Variants in IK observed in about 807,000 individuals in gnomAD.
IK encodes the protein protein Red.
IK carries 47 observed loss-of-function variants against 90.9 expected under a neutral mutation model. The observed-to-expected ratio is 0.52, with a 90% CI of 0.41 to 0.66. The LOEUF (loss-of-function observed/expected upper bound fraction) is 0.66, where lower values mean the gene tolerates loss of function less well. IK is among the 30% of genes least tolerant of loss of function. The pLI is 0.00. For missense variants in IK, 385 were observed against 709.3 expected, an observed-to-expected ratio of 0.54 and a Z score of 5.19; for synonymous variants, 201 against 227.5, an observed-to-expected ratio of 0.88 and a Z score of 1.05.
chr5:140,651,181 G>A (rs1757610207), intron 2 of IK, among the ~76,000 whole-genome samples: 1 of 152,162 alleles, frequency 6.6e-6, no homozygotes, highest in East Asian at 1.9e-4. Context: ...GTCGGGCGTG[G>A]TGGCTTACAC....
intron 5 of IK, 142 bp from the exon 6 acceptor site, chr5:140,653,796 G>A (rs1320201002): frequency 1.7e-6 from 1 of 575,758 alleles, no homozygotes; most frequent in Non-Finnish European, 3.1e-6. Context: ...GTAGAGATGG[G>A]GTTTCACCAT....
intron 10 of IK, among the ~76,000 whole-genome samples, chr5:140,658,306 A>T (rs1328797939): frequency 6.8e-6 from 1 of 146,698 alleles, no homozygotes; most frequent in Non-Finnish European, 1.5e-5. Flanking sequence ...TCCTGGCCTT[A>T]TTTTATTATT....
At chr5:140,660,055 G>A in intron 14 of IK, 60 bp from the exon 15 acceptor site, 4 of 1,485,728 alleles carry the variant, frequency 2.7e-6, no homozygotes, top group Non-Finnish European at 3.7e-6. Context: ...GCCCCCTCCT[G>A]GCTGAAGCTT....
chr5:140,653,603 C>T (rs1273754474), intron 5 of IK, among the ~76,000 whole-genome samples: 1 of 143,378 alleles, frequency 7.0e-6, no homozygotes, highest in Non-Finnish European at 1.5e-5. Flanking sequence ...CTTTCCCCCA[C>T]CCCCTTTTTT....
intron 4 of IK, among the ~76,000 whole-genome samples, 197 bp from the exon 5 acceptor site, chr5:140,652,780 A>G (rs1188471758): frequency 1.3e-5 from 2 of 152,202 alleles, no homozygotes; most frequent in African/African-American, 4.8e-5. Flanking sequence ...CTGGAAAAGT[A>G]TATCTATAAG....
At chr5:140,652,354 G>C (rs1368583156) in intron 4 of IK, among the ~76,000 whole-genome samples, 1 of 152,076 alleles carries the variant, frequency 6.6e-6, no homozygotes, top group Admixed American at 6.6e-5. Context: ...TTTCTTGGTG[G>C]ATAACCTAGA....
intron 3 of IK, 32 bp downstream of exon 3, chr5:140,651,838 A>G: frequency 2.2e-6 from 3 of 1,359,070 alleles, no homozygotes; most frequent in East Asian, 2.3e-5. Context: ...CCTGTCTCCC[A>G]ACTTGTTTCT....
chr5:140,658,590 G>A (rs1427809194), intron 10 of IK, 147 bp from the exon 11 acceptor site: 38 of 659,172 alleles, frequency 5.8e-5, no homozygotes, highest in Non-Finnish European at 8.5e-5. Flanking sequence ...GAAGTGCTGG[G>A]ATTACAGGCG....
At chr5:140,660,657 G>T in intron 15 of IK, 101 bp from the exon 16 acceptor site, 2 of 851,120 alleles carry the variant, frequency 2.3e-6, no homozygotes, top group Non-Finnish European at 3.9e-6. Context: ...AGGTCTAGGG[G>T]GTGGTCATTC....
chr5:140,648,050 A>ATG lies in IK; in HGVS notation c.16+128_16+129dup, dbSNP rs1425141734. 2.4e-3 allele frequency: 716 copies of ATG among 302,944 alleles called. 11 individuals are homozygous for ATG. Among genetic ancestry groups the ATG allele is most frequent in the Middle Eastern group, 0.023 (38 of 1,684 alleles). 18.8% of individuals were successfully genotyped at this position (302,944 alleles called of 1,614,324 possible). ...TGTGTGTGTGTGTGTGTGTGTATGT[A>ATG]TGTATGTGTGACGCTTGAGCCCGGA... On this transcript the variant is annotated intron_variant, in intron 1 of 19. Transcript: ENST00000417647.
rs772355494 is a variant in IK, at chr5:140,652,033, G to C, written c.177-55G>C. The C allele has an allele frequency of 3.6e-6, 5 of 1,379,720 alleles. No individual in the cohort carries two copies. In the African/African-American group the frequency reaches 7.1e-5, roughly 20 times the overall value. 85.5% of individuals were successfully genotyped at this position (1,379,720 alleles called of 1,614,324 possible). The stretch of plus-strand genomic sequence containing the variant: ...AAAAATCCTCAAGGAGACTTCTTGG[G>C]GTTTCTGGGGCTGTGGCAATATTTT... On this transcript the variant is annotated intron_variant, in intron 3 of 19. Coordinates refer to ENST00000417647, the MANE Select transcript of IK (RefSeq NM_006083.4).
intron 1 of IK, chr5:140,648,205 C>G: frequency 1.4e-6 from 1 of 704,146 alleles, no homozygotes; most frequent in South Asian, 1.5e-5. Flanking sequence ...CATACTTAAT[C>G]CTGGGTTGCG....
intron 10 of IK, among the ~76,000 whole-genome samples, chr5:140,658,285 T>G (rs1190627027): frequency 6.6e-6 from 1 of 152,014 alleles, no homozygotes; most frequent in Non-Finnish European, 1.5e-5. Flanking sequence ...ATTACAGGCA[T>G]GAGCCACTCT....
chr5:140,648,340 C>A, intron 1 of IK, 131 bp from the exon 2 acceptor site: 2 of 844,864 alleles, frequency 2.4e-6, no homozygotes, highest in South Asian at 1.4e-5. Context: ...TATTTCAGCA[C>A]TTATTACATT....
In IK at chr5:140,648,414, T is replaced by G. The variant is rs1757534105; in HGVS notation, c.17-57T>G. On this transcript the variant is annotated intron_variant, in intron 1 of 19. Coordinates refer to ENST00000417647, the MANE Select transcript of IK (RefSeq NM_006083.4). ...TGTTCACTACTATATCTCAAATTTTTGCATAGGATCTGACACGTAAGAGAC... is the reference window on the plus strand; with the variant it reads ...TGTTCACTACTATATCTCAAATTTTGGCATAGGATCTGACACGTAAGAGAC... 12 of 1,513,928 alleles carry G rather than the reference T, an allele frequency of 7.9e-6. No individual in the cohort carries two copies. In the South Asian group the frequency reaches 1.2e-4, roughly 16 times the overall value. 93.8% of individuals were successfully genotyped at this position (1,513,928 alleles called of 1,614,324 possible).
intron 8 of IK, among the ~76,000 whole-genome samples, 165 bp from the exon 9 acceptor site, chr5:140,655,664 T>C (rs1334880910): frequency 5.9e-5 from 9 of 152,250 alleles, no homozygotes; most frequent in African/African-American, 2.2e-4. Context: ...CATAGTATTC[T>C]TATCAGTAAA....
rs755839583 is a variant in IK, at chr5:140,652,983, T to G, written c.243T>G (p.Tyr81Ter). ...AARRRKKKSY[Y>*]AKLRQQEIER... ...TGCCTTTCTCTGGTCACAGTTATTA[T>G]GCCAAGCTACGCCAACAAGAAATTG... Residue 81 changes from tyrosine (Y) to a stop codon, truncating the protein, a stop_gained, in exon 5 of 20, where the codon TAT becomes TAG. Transcript: ENST00000417647. LOFTEE classifies it high-confidence loss of function. 17 of 1,613,378 alleles carry G rather than the reference T, an allele frequency of 1.1e-5. No homozygotes were observed. Among genetic ancestry groups the G allele is most frequent in the Non-Finnish European group, 1.4e-5 (17 of 1,179,844 alleles).
chr5:140,661,522 C>A lies in IK; in HGVS notation c.1414-98C>A. The stretch of plus-strand genomic sequence containing the variant: ...AGGGTATGATTTATGAATTGTGGAA[C>A]CTGGGATTATGGGAGAGTCTGGCTT... On this transcript the variant is annotated intron_variant, in intron 16 of 19. Coordinates refer to ENST00000417647, the MANE Select transcript of IK (RefSeq NM_006083.4). This position sits in a 1 kb window ranked among gnomAD's most constrained non-coding sequence, Gnocchi z 4.2. 1 of 728,812 alleles carries A rather than the reference C, an allele frequency of 1.4e-6. No homozygotes were observed. Among genetic ancestry groups the A allele is most frequent in the East Asian group, 2.7e-5 (1 of 37,200 alleles). 45.1% of individuals were successfully genotyped at this position (728,812 alleles called of 1,614,324 possible).
chr5:140,647,961 C>T (rs760643148), intron 1 of IK, 37 bp downstream of exon 1: 1 of 1,601,408 alleles, frequency 6.2e-7, no homozygotes, highest in East Asian at 2.2e-5. Flanking sequence ...TTCCCCATGG[C>T]ACTTGGGGCA....
Sources: allele counts gnomAD v4.1 joint callset (sites outside exome capture counted in the v4.1 genomes callset), GRCh38; gene constraint gnomAD v4.1.1; non-coding constraint Gnocchi (gnomAD v3.1); transcripts MANE v1.5; gene names NCBI Gene and HGNC (gene_info 2026-07-23, HGNC 2026-07-21).